The following VNN2 variants were observed in gnomAD, a reference collection of about 807,000 sequenced individuals.
VNN2 encodes the protein pantetheine hydrolase VNN2.
In VNN2, 43 loss-of-function variants were observed where a neutral mutation model predicts 43.0. That is an observed-to-expected ratio of 1.00 (90% CI 0.78 to 1.29). The LOEUF is 1.29. Ranked by LOEUF, VNN2 falls within the 50% of genes most tolerant of loss-of-function variation. VNN2 has a pLI of 0.00. For synonymous variants in VNN2, 230 were observed against 224.3 expected (o/e 1.03, Z -0.23); for missense variants, 652 against 619.7 (o/e 1.05, Z -0.55).
In VNN2 at chr6:132,752,496, A is replaced by G; in HGVS notation, c.791T>C (p.Val264Ala). The change falls in exon 4 of 7, where the codon GTG becomes GCG. Residue 264 changes from valine (V) to alanine (A), a missense_variant. Physicochemically the swap from Val to Ala is moderately conservative, Grantham distance 64 (BLOSUM62 0). Transcript: ENST00000326499. ...WAMGMGVNLL[V>A]ANTHHVSLNM... ...TAGGCTGACATGATGTGTGTTGGCC[A>G]CAAGAAGATTAACTCCCATTCCCAT... is the stretch of plus-strand genomic sequence containing the variant. 6.2e-7 allele frequency: 1 copy of G among 1,614,162 alleles called. No homozygotes were observed. The highest frequency in any genetic ancestry group is 8.5e-7 in the Non-Finnish European group (1 of 1,180,020).
rs563034797 is a variant in VNN2 at position 132,755,875 on chromosome 6, T to C, written c.505A>G (p.Thr169Ala). ...TAACGTGCCACGAGTTTTCCTTCTG[T>C]ATTATACACCACATTGGTATTGTAT... ...FQYNTNVVYNTEGKLVARYHK... is the reference protein window; with the variant it reads ...FQYNTNVVYNAEGKLVARYHK... Residue 169 changes from threonine (T) to alanine (A), a missense_variant, in exon 3 of 7, where the codon ACA (threonine) becomes GCA (alanine). Coordinates refer to ENST00000326499, the MANE Select transcript of VNN2 (RefSeq NM_004665.6). The C allele has an allele frequency of 8.7e-6, 14 of 1,613,752 alleles. No homozygotes were observed. In the African/African-American group the frequency reaches 1.5e-4, roughly 17 times the overall value.
chr6:132,759,629 G>A (rs189228768), upstream of VNN2, among the ~76,000 whole-genome samples: 12 of 151,994 alleles, frequency 7.9e-5, no homozygotes, highest in South Asian at 2.1e-4. Flanking sequence ...GAGTAGGTAC[G>A]ATTAAACAAA....
At chr6:132,746,750 A>G (rs1024723555) in intron 6 of VNN2, among the ~76,000 whole-genome samples, 1 of 152,218 alleles carries the variant, frequency 6.6e-6, no homozygotes, top group African/African-American at 2.4e-5. Flanking sequence ...GGATTTGCCA[A>G]TGAAGAGTCT....
Position 132,757,677 on chromosome 6 carries a change from A to G in VNN2, c.207T>C (p.Ala69=), listed in dbSNP as rs1262767933. The G allele has an allele frequency of 2.3e-5, 37 of 1,613,910 alleles. No individual in the cohort carries two copies. Among genetic ancestry groups the G allele is most frequent in the Non-Finnish European group, 2.8e-5 (33 of 1,179,868 alleles). Reference sequence around the variant, plus strand: ...AACAGAAATAAGAGAATACCTGCTCAGCTGCCTGCTTGATCGCTGTCTCCA... The same window carrying G: ...AACAGAAATAAGAGAATACCTGCTCGGCTGCCTGCTTGATCGCTGTCTCCA... ...DILETAIKQA[A]EQGARIIVTP... Residue 69 remains alanine, a synonymous_variant, in exon 1 of 7, where the codon GCT becomes GCC. Transcript: ENST00000326499.
intron 6 of VNN2, among the ~76,000 whole-genome samples, chr6:132,749,253 T>C (rs1480241620): frequency 6.6e-6 from 1 of 152,220 alleles, no homozygotes; most frequent in East Asian, 1.9e-4. Flanking sequence ...CCTGTGTTGA[T>C]GCAACATTTG....
upstream of VNN2, chr6:132,758,018 CTTCTTCTTCTTCTTCTTCTTCTTTTTTTT>C (rs1158970742): frequency 3.1e-4 from 50 of 159,828 alleles, 3 homozygotes; most frequent in African/African-American, 3.1e-3. Flanking sequence ...TCTTCTTCTT[CTTCTTCTTCTTCTTCTTCTTCTTTTTTTT>C]TTTTTTTTTT....
intron 3 of VNN2, 104 bp downstream of exon 3, chr6:132,755,739 C>T: frequency 8.3e-7 from 1 of 1,208,518 alleles, no homozygotes; most frequent in Admixed American, 2.9e-5. Flanking sequence ...CAAAAAAACC[C>T]TCTAGTAATA....
Position 132,757,500 on chromosome 6 carries a change from T to C in VNN2, c.260A>G (p.Lys87Arg). 1 of 1,614,030 alleles carries C rather than the reference T, an allele frequency of 6.2e-7. No homozygotes were observed. The highest frequency in any genetic ancestry group is 8.5e-7 in the Non-Finnish European group (1 of 1,179,956). ...AGGGAAAACAGTTTCCCTGGTAAATTTCCATCCATAAAGTGCATCTTCTGG... is the reference window on the plus strand; with the variant it reads ...AGGGAAAACAGTTTCCCTGGTAAATCTCCATCCATAAAGTGCATCTTCTGG... ...VTPEDALYGW[K>R]FTRETVFPYL... The change falls in exon 2 of 7, where the codon AAA (lysine) becomes AGA (arginine). Residue 87 changes from lysine (K) to arginine (R), a missense_variant. Transcript: ENST00000326499.
chr6:132,757,100 A>G (rs1780520753), intron 2 of VNN2, among the ~76,000 whole-genome samples: 1 of 152,180 alleles, frequency 6.6e-6, no homozygotes, highest in African/African-American at 2.4e-5. Context: ...GAGGCTTTGG[A>G]ATGTATTCCT....
intron 3 of VNN2, 106 bp downstream of exon 3, chr6:132,755,737 C>T (rs981688401): frequency 6.7e-6 from 8 of 1,193,792 alleles, no homozygotes; most frequent in Non-Finnish European, 9.1e-6. Flanking sequence ...AACAAAAAAA[C>T]CCTCTAGTAA....
chr6:132,746,877 T>G (rs1582814161), intron 6 of VNN2, among the ~76,000 whole-genome samples: 1 of 152,144 alleles, frequency 6.6e-6, no homozygotes, highest in African/African-American at 2.4e-5. Context: ...TAGAACCTGA[T>G]GAACTTCAGT....
At chr6:132,749,886 T>C in intron 5 of VNN2, 21 bp from the exon 6 acceptor site, 1 of 1,601,656 alleles carries the variant, frequency 6.2e-7, no homozygotes, top group Non-Finnish European at 8.5e-7. Flanking sequence ...CAAACGCAGA[T>C]AAAACGCAAT....
chr6:132,748,921 ACT>A (rs1779885204), intron 6 of VNN2, among the ~76,000 whole-genome samples: 1 of 151,988 alleles, frequency 6.6e-6, no homozygotes, highest in Non-Finnish European at 1.5e-5. Context: ...ACAGAGCAAG[ACT>A]CTGTTTAAAA....
At chr6:132,746,968 A>G (rs1462650384) in intron 6 of VNN2, among the ~76,000 whole-genome samples, 1 of 152,144 alleles carries the variant, frequency 6.6e-6, no homozygotes, top group Non-Finnish European at 1.5e-5. Context: ...CCAAGGGACT[A>G]CAATTCCAAA....
chr6:132,755,762 G>A (rs1047897201), intron 3 of VNN2, 81 bp downstream of exon 3: 4 of 1,365,490 alleles, frequency 2.9e-6, no homozygotes, highest in Admixed American at 2.4e-5. Flanking sequence ...GTATCATATA[G>A]GGAATGAAAT....
intron 6 of VNN2, among the ~76,000 whole-genome samples, chr6:132,746,458 T>C (rs1289136860): frequency 6.6e-6 from 1 of 152,180 alleles, no homozygotes; most frequent in East Asian, 1.9e-4. Flanking sequence ...CTGCTGTTTC[T>C]AGAAACAACA....
chr6:132,762,094 G>T (rs530173497), upstream of VNN2, among the ~76,000 whole-genome samples: 27 of 152,320 alleles, frequency 1.8e-4, no homozygotes, highest in African/African-American at 6.5e-4. Context: ...CTGCTGGAAT[G>T]AAATGGGGTT....
In VNN2 at chr6:132,744,224, T is replaced by C; in HGVS notation, c.*76A>G. ...ACTACTGAAATAGCCCTTCAAAGTT[T>C]CTTAGTAAACTTGGGAAGCCGATAA... On this transcript the variant is annotated 3_prime_UTR_variant, in exon 7 of 7. Coordinates refer to ENST00000326499, the MANE Select transcript of VNN2 (RefSeq NM_004665.6). 7.1e-7 allele frequency: 1 copy of C among 1,407,110 alleles called. No homozygotes were observed. The allele number at this position is 1,407,110 out of a possible 1,614,324, so 87.2% of individuals were successfully genotyped here. A position where few individuals can be genotyped will look rare whatever the true frequency, so the allele number is the denominator to read the frequency against.
chr6:132,758,995 T>G (rs1446759440), upstream of VNN2, among the ~76,000 whole-genome samples: 2 of 151,754 alleles, frequency 1.3e-5, no homozygotes, highest in Non-Finnish European at 2.9e-5. Context: ...CCTCCTTCTT[T>G]TTCCTCCCTC....
Sources: gnomAD v4.1 joint callset for allele counts (sites outside exome capture counted in the v4.1 genomes callset) on GRCh38, gnomAD v4.1.1 for gene constraint, MANE v1.5 for transcripts, NCBI Gene and HGNC (gene_info 2026-07-23, HGNC 2026-07-21) for gene names.